The following KIF26B variants were observed in gnomAD, a reference collection of about 807,000 sequenced individuals.
KIF26B encodes the protein kinesin-like protein KIF26B.
In KIF26B, 63 loss-of-function variants were observed where a neutral mutation model predicts 151.2. That is an observed-to-expected ratio of 0.42 (90% confidence interval 0.34 to 0.51). The LOEUF (loss-of-function observed/expected upper bound fraction) is 0.51. Ranked by LOEUF, KIF26B falls within the 20% of genes least tolerant of loss-of-function variation. The pLI, the probability that KIF26B is intolerant of heterozygous loss-of-function variation, is 0.07. For synonymous variants in KIF26B, 1,357 were observed against 1,262.1 expected, an observed-to-expected ratio of 1.08 and a Z score of -1.59; for missense variants, 2,813 against 2,913.6, an observed-to-expected ratio of 0.97 and a Z score of 0.79.
At position 245,698,968 on chromosome 1, in the gene KIF26B, T is replaced by A; in HGVS notation, c.6109T>A (p.Trp2037Arg). ...RIAEVRAKYE[W>R]LMKELEATKQ... ...CGCCGAGGTCCGCGCGAAGTACGAG[T>A]GGCTGATGAAGGAGCTGGAGGCGAC... The change falls in exon 14 of 15, where the codon TGG (tryptophan) becomes AGG (arginine). Residue 2037 changes from tryptophan (W) to arginine (R), a missense_variant. By Grantham distance (101) the Trp-to-Arg change is moderately radical (BLOSUM62 -3). Coordinates refer to ENST00000407071, the MANE Select transcript of KIF26B (RefSeq NM_018012.4). This position sits in a 1 kb window ranked among gnomAD's most constrained non-coding sequence, Gnocchi z 4.0. 1 of 1,613,818 alleles carries A rather than the reference T, an allele frequency of 6.2e-7. No homozygotes were observed. Among genetic ancestry groups the A allele is most frequent in the Non-Finnish European group, 8.5e-7 (1 of 1,179,848 alleles).
chr1:245,687,251 C>A lies in KIF26B; in HGVS notation c.4268C>A (p.Ser1423Tyr). ...AAAGCAGGCCCCACATTAGCCCAGTCCCGGGAGAGTAAGGAAAACAGTGCA... is the reference window on the plus strand; with the variant it reads ...AAAGCAGGCCCCACATTAGCCCAGTACCGGGAGAGTAAGGAAAACAGTGCA... ...TPKAGPTLAQ[S>Y]RESKENSAKK... Residue 1423 changes from serine (S) to tyrosine (Y), a missense_variant, in exon 12 of 15, where the codon TCC (serine) becomes TAC (tyrosine). This residue lies in a region of KIF26B where 2,060 missense variants were observed against 2,088.6 expected (regional missense o/e 0.99). Transcript: ENST00000407071. The surrounding 1 kb of genome is among the most constrained non-coding windows in gnomAD (Gnocchi z 4.9). The A allele has an allele frequency of 6.2e-7, 1 of 1,612,532 alleles. No homozygotes were observed. Among genetic ancestry groups the A allele is most frequent in the Non-Finnish European group, 8.5e-7 (1 of 1,179,622 alleles).
chr1:245,482,518 C>G (rs1367484948), intron 4 of KIF26B, among the ~76,000 whole-genome samples: 1 of 151,800 alleles, frequency 6.6e-6, no homozygotes, highest in Non-Finnish European at 1.5e-5. Context: ...ACATCATTAA[C>G]CAAGCTCTTC....
chr1:245,497,316 C>A (rs116036913), intron 4 of KIF26B, among the ~76,000 whole-genome samples: 2 of 152,146 alleles, frequency 1.3e-5, no homozygotes, highest in Non-Finnish European at 2.9e-5. Flanking sequence ...GAGAGAAGAT[C>A]TGAATCTCTC....
rs371129465 is a variant in KIF26B, at chr1:245,687,165, C to T, written c.4182C>T (p.Tyr1394=). 2.5e-5 allele frequency: 41 copies of T among 1,613,004 alleles called. No homozygotes were observed. Among genetic ancestry groups the T allele is most frequent in the Non-Finnish European group, 3.0e-5 (35 of 1,179,742 alleles). ...YIPMKTNITV[Y]PCIAMSPRNI... ...CCATGAAGACCAATATCACAGTTTA[C>T]CCCTGCATTGCCATGAGCCCCCGGA... Residue 1394 remains tyrosine (Y), a synonymous_variant, in exon 12 of 15, where the codon TAC becomes TAT. Transcript: ENST00000407071. The surrounding 1 kb of genome is among the most constrained non-coding windows in gnomAD (Gnocchi z 4.9).
chr1:245,342,686 G>A (rs1672358874), intron 2 of KIF26B, among the ~76,000 whole-genome samples: 1 of 152,190 alleles, frequency 6.6e-6, no homozygotes, highest in Non-Finnish European at 1.5e-5. Flanking sequence ...CAGAACCCTG[G>A]GAGGTGATGA....
intron 10 of KIF26B, among the ~76,000 whole-genome samples, chr1:245,679,312 G>A (rs1259836715): frequency 6.6e-6 from 1 of 151,998 alleles, no homozygotes; most frequent in Non-Finnish European, 1.5e-5. Flanking sequence ...GTGATAACAT[G>A]CTCTTTCATG....
Position 245,574,658 on chromosome 1 carries a change from G to A in KIF26B, c.1351-27919G>A, listed in dbSNP as rs150611681. 3.3e-3 allele frequency among the ~76,000 whole-genome samples: 503 copies of A among 152,152 alleles called. 3 individuals are homozygous for A. The highest frequency in any genetic ancestry group is 5.3e-3 in the Non-Finnish European group (361 of 67,992). ...GGCAGGGCCGTTGACTGCTGCTCTT[G>A]CCTGAGTCTCCTGGTTGCAAAGGCC... On this transcript the variant is annotated intron_variant, in intron 5 of 14. Transcript: ENST00000407071.
intron 3 of KIF26B, among the ~76,000 whole-genome samples, chr1:245,384,476 C>T (rs887056638): frequency 6.6e-6 from 1 of 152,168 alleles, no homozygotes; most frequent in African/African-American, 2.4e-5. Context: ...CAGCTGGATA[C>T]TGTGGTGTGA....
At chr1:245,671,883 G>A (rs566361221) in intron 10 of KIF26B, among the ~76,000 whole-genome samples, 24 of 152,346 alleles carry the variant, frequency 1.6e-4, no homozygotes, top group South Asian at 4.1e-4. Flanking sequence ...AGCTCACAGC[G>A]TGTTCAGGGC....
At position 245,527,524 on chromosome 1, in the gene KIF26B, CTTTTTTTTTTTTT is replaced by C. The variant is rs548422038; in HGVS notation, c.1167-13228_1167-13216del. Reference sequence around the variant, plus strand: ...TCATTTATATCTGGCTTTGGGATGGCTTTTTTTTTTTTTTTTTTTTTTTTTTTGAGATGGAGTC... The same window carrying C: ...TCATTTATATCTGGCTTTGGGATGGCTTTTTTTTTTTTTTGAGATGGAGTC... On this transcript the variant is annotated intron_variant, in intron 4 of 14. Coordinates refer to ENST00000407071, the MANE Select transcript of KIF26B (RefSeq NM_018012.4). 4.2e-3 allele frequency among the ~76,000 whole-genome samples: 214 copies of C among 50,732 alleles called. 6 individuals are homozygous for C. The highest frequency in any genetic ancestry group is 0.019 in the African/African-American group (195 of 10,222). The allele number at this position is 50,732 out of a possible 152,430, so 33.3% of individuals were successfully genotyped here. A position where few individuals can be genotyped will look rare whatever the true frequency, so the allele number is the denominator to read the frequency against.
chr1:245,483,532 G>A (rs1558183966), intron 4 of KIF26B, among the ~76,000 whole-genome samples: 1 of 151,882 alleles, frequency 6.6e-6, no homozygotes, highest in Non-Finnish European at 1.5e-5. Flanking sequence ...CGGGGAAAGT[G>A]CAGAAATGAA....
rs4991120 is a variant in KIF26B at position 245,612,107 on chromosome 1, A to T, written c.2098+131A>T. The stretch of plus-strand genomic sequence containing the variant: ...GTGTGTGTGTGTGTGTGTGTGTGTG[A>T]GAGAGAGAGAGAGAGAGAGAGAGAC... On this transcript the variant is annotated intron_variant, in intron 9 of 14. Coordinates refer to ENST00000407071, the MANE Select transcript of KIF26B (RefSeq NM_018012.4). The T allele has an allele frequency of 0.034, 8,042 of 239,110 alleles. 24 individuals are homozygous for T. The highest frequency in any genetic ancestry group is 0.077 in the South Asian group (979 of 12,760). 14.8% of individuals were successfully genotyped at this position (239,110 alleles called of 1,614,324 possible).
chr1:245,523,061 C>A (rs1008944755), intron 4 of KIF26B, among the ~76,000 whole-genome samples: 2 of 152,084 alleles, frequency 1.3e-5, no homozygotes, highest in Non-Finnish European at 2.9e-5. Context: ...CTACTCTTAC[C>A]ATCCTGTTTT....
At chr1:245,654,131 G>T (rs2044049226) in intron 10 of KIF26B, among the ~76,000 whole-genome samples, 1 of 152,200 alleles carries the variant, frequency 6.6e-6, no homozygotes, top group Non-Finnish European at 1.5e-5. Flanking sequence ...CATACATTCA[G>T]GTCGGTCTCC....
rs531688844 is a variant in KIF26B, at chr1:245,215,287, G to GC, written c.465+58606dup. Among the ~76,000 whole-genome samples the GC allele has an allele frequency of 1.3e-4, 20 of 152,238 alleles. No homozygotes were observed. The East Asian group carries it at 3.7e-3, about 28-fold the overall frequency. ...TTGGTGACCAGCCAGGTGCCCTCCA[G>GC]CCAGCGGCCCCAGCATGACACGGTC... On this transcript the variant is annotated intron_variant, in intron 2 of 14. Transcript: ENST00000407071.
intron 3 of KIF26B, among the ~76,000 whole-genome samples, chr1:245,378,730 A>G (rs1673333709): frequency 6.6e-6 from 1 of 152,170 alleles, no homozygotes; most frequent in African/African-American, 2.4e-5. Flanking sequence ...GATACTCATC[A>G]ATGATTTTAT....
intron 4 of KIF26B, among the ~76,000 whole-genome samples, chr1:245,420,672 T>C (rs565634508): frequency 6.6e-6 from 1 of 152,348 alleles, no homozygotes; most frequent in East Asian, 1.9e-4. Flanking sequence ...TCTGCCTCAG[T>C]TTCTTCATGT....
chr1:245,536,422 T>C lies in KIF26B; in HGVS notation c.1167-4345T>C, dbSNP rs75988137. Among the ~76,000 whole-genome samples, 86 of 152,272 alleles carry C rather than the reference T, an allele frequency of 5.6e-4. No homozygotes were observed. In the East Asian group the frequency reaches 0.016, roughly 28 times the overall value. ...CTCTTCCCTGGTAAAATTTACATTC[T>C]AGAGGGGAAACAGACAGTAAAGCAA... On this transcript the variant is annotated intron_variant, in intron 4 of 14. Transcript: ENST00000407071.
chr1:245,283,977 C>T lies in KIF26B; in HGVS notation c.466-82857C>T, dbSNP rs143227491. Among the ~76,000 whole-genome samples, 42 of 152,288 alleles carry T rather than the reference C, an allele frequency of 2.8e-4. No homozygotes were observed. The East Asian group carries it at 5.8e-3, about 21-fold the overall frequency. On this transcript the variant is annotated intron_variant, in intron 2 of 14. Transcript: ENST00000407071. Reference sequence around the variant, plus strand: ...CTGGGATTACAGGCGTGAGCCGCTGCGCACCGCAGCTTGAGAATATGAGCA... The same window carrying T: ...CTGGGATTACAGGCGTGAGCCGCTGTGCACCGCAGCTTGAGAATATGAGCA...
Sources: gnomAD v4.1 joint callset for allele counts (sites outside exome capture counted in the v4.1 genomes callset) on GRCh38, gnomAD v4.1.1 for gene constraint, gnomAD v4.1.1 regional missense constraint, Gnocchi (gnomAD v3.1) non-coding constraint, MANE v1.5 for transcripts, NCBI Gene and HGNC (gene_info 2026-07-23, HGNC 2026-07-21) for gene names.